Variants in HEMK2 observed in about 807,000 individuals in gnomAD.
The protein encoded by HEMK2 is methyltransferase HEMK2.
chr21:28,629,366 A>G, the HEMK2 span, among the ~76,000 whole-genome samples: 3 of 152,240 alleles, frequency 2.0e-5, no homozygotes, highest in South Asian at 6.2e-4. Flanking sequence ...GCCTAGGTTT[A>G]GCGTGGTCAC....
the HEMK2 span, among the ~76,000 whole-genome samples, chr21:28,730,383 GAC>G: frequency 0.56 from 64,360 of 115,152 alleles, 16,501 homozygotes; most frequent in Non-Finnish European, 0.65. Context: ...AACACACACA[GAC>G]ACACACACAC....
At chr21:28,752,477 T>A in the HEMK2 span, among the ~76,000 whole-genome samples, 3 of 152,262 alleles carry the variant, frequency 2.0e-5, no homozygotes, top group Non-Finnish European at 4.4e-5. Flanking sequence ...ATAATCTTGA[T>A]GCTTCTTCCA....
the HEMK2 span, among the ~76,000 whole-genome samples, chr21:28,871,706 T>C: frequency 6.6e-6 from 1 of 152,138 alleles, no homozygotes; most frequent in Non-Finnish European, 1.5e-5. Flanking sequence ...CAATGCATTC[T>C]CTCACAGTTC....
chr21:28,749,377 T>C, the HEMK2 span, among the ~76,000 whole-genome samples: 2 of 152,206 alleles, frequency 1.3e-5, no homozygotes, highest in Non-Finnish European at 2.9e-5. Context: ...ATGTGGTAAA[T>C]ACTATTATTA....
chr21:28,885,181 T>A, the HEMK2 span: 7 of 1,529,582 alleles, frequency 4.6e-6, no homozygotes, highest in Middle Eastern at 1.7e-4. Context: ...GCCGCAACCC[T>A]TTCCCGTCAG....
chr21:28,662,890 G>A, the HEMK2 span, among the ~76,000 whole-genome samples: 64 of 152,060 alleles, frequency 4.2e-4, no homozygotes, highest in East Asian at 0.01. Flanking sequence ...CTGATACACC[G>A]ACATACTCTC....
the HEMK2 span, among the ~76,000 whole-genome samples, chr21:28,882,507 T>C: frequency 6.6e-6 from 1 of 152,114 alleles, no homozygotes; most frequent in Non-Finnish European, 1.5e-5. Flanking sequence ...TTATGAATTA[T>C]ACATCCAATG....
At chr21:28,650,687 GA>G in the HEMK2 span, among the ~76,000 whole-genome samples, 4 of 152,178 alleles carry the variant, frequency 2.6e-5, no homozygotes, top group Non-Finnish European at 5.9e-5. Flanking sequence ...GAATATTAGA[GA>G]GGGGTGTCTA....
At chr21:28,676,966 G>A in the HEMK2 span, among the ~76,000 whole-genome samples, 84 of 152,300 alleles carry the variant, frequency 5.5e-4, 1 homozygote, top group Admixed American at 3.4e-3. Flanking sequence ...AGCTCCCAGC[G>A]TGAGCGACGC....
chr21:28,752,030 A>T, the HEMK2 span, among the ~76,000 whole-genome samples: 1 of 152,256 alleles, frequency 6.6e-6, no homozygotes, highest in Non-Finnish European at 1.5e-5. Flanking sequence ...TAAATTGAAC[A>T]GAACATAAAA....
At chr21:28,850,284 G>A in the HEMK2 span, among the ~76,000 whole-genome samples, 161 of 143,432 alleles carry the variant, frequency 1.1e-3, 6 homozygotes, top group East Asian at 0.032. Context: ...GAGTGCAGTG[G>A]CGCAATCTCG....
At chr21:28,612,097 C>G in the HEMK2 span, among the ~76,000 whole-genome samples, 1 of 150,364 alleles carries the variant, frequency 6.7e-6, no homozygotes, top group Non-Finnish European at 1.5e-5. Context: ...ACCCTAACAC[C>G]AAAACCAGGA....
At chr21:28,854,902 T>G in the HEMK2 span, among the ~76,000 whole-genome samples, 1 of 152,142 alleles carries the variant, frequency 6.6e-6, no homozygotes, top group Non-Finnish European at 1.5e-5. Flanking sequence ...TCCAATCAAG[T>G]TGACACTCAA....
chr21:28,631,006 GA>G, the HEMK2 span, among the ~76,000 whole-genome samples: 1 of 152,158 alleles, frequency 6.6e-6, no homozygotes, highest in African/African-American at 2.4e-5. Flanking sequence ...AGTGACTAAG[GA>G]AACAGGAAGT....
At chr21:28,809,289 G>A in the HEMK2 span, among the ~76,000 whole-genome samples, 1 of 152,032 alleles carries the variant, frequency 6.6e-6, no homozygotes, top group Non-Finnish European at 1.5e-5. Context: ...AAATATAGAG[G>A]CAGAGAACAA....
chr21:28,749,544 T>C, the HEMK2 span, among the ~76,000 whole-genome samples: 1 of 146,894 alleles, frequency 6.8e-6, no homozygotes, highest in Non-Finnish European at 1.5e-5. Context: ...ACAAAATTCC[T>C]AACAGCCCTG....
At chr21:28,708,882 G>T in the HEMK2 span, among the ~76,000 whole-genome samples, 2 of 152,176 alleles carry the variant, frequency 1.3e-5, no homozygotes, top group Admixed American at 6.5e-5. Flanking sequence ...AAGGTTATAT[G>T]TGTAAATGAA....
chr21:28,795,939 T>G, the HEMK2 span, among the ~76,000 whole-genome samples: 1 of 152,170 alleles, frequency 6.6e-6, no homozygotes, highest in Non-Finnish European at 1.5e-5. Context: ...TTTAAAGGTT[T>G]GTTGGTTGTT....
chr21:28,698,359 C>T, the HEMK2 span, among the ~76,000 whole-genome samples: 6 of 152,004 alleles, frequency 3.9e-5, no homozygotes, highest in Admixed American at 3.9e-4. Flanking sequence ...TGCTTCATAG[C>T]TTTAAATCGG....
Sources: allele counts gnomAD v4.1 joint callset (sites outside exome capture counted in the v4.1 genomes callset), GRCh38; gene constraint gnomAD v4.1.1; transcripts MANE v1.5; gene names NCBI Gene and HGNC (gene_info 2026-07-23, HGNC 2026-07-21).